CD109: variants seen among roughly 807,000 people sequenced by gnomAD.
The protein encoded by CD109 is CD109 molecule, also known as CD109 antigen.
In CD109, 149 loss-of-function variants were observed where a neutral mutation model predicts 165.8. The observed-to-expected ratio is 0.90, with a 90% CI of 0.79 to 1.03. The LOEUF (loss-of-function observed/expected upper bound fraction) is 1.03. CD109 is among the 50% of genes least tolerant of loss of function. CD109 has a pLI of 0.00. For synonymous variants in CD109, 585 were observed against 592.1 expected (o/e 0.99, Z 0.18); for missense variants, 1,712 against 1,677.8 (o/e 1.02, Z -0.36).
Position 73,787,374 on chromosome 6 carries a change from T to G in CD109, c.2478T>G (p.His826Gln). Reference protein sequence around the residue: ...ATVLFPIRPTHLGEIPITVTA... With the variant: ...ATVLFPIRPTQLGEIPITVTA... Reference sequence around the variant, plus strand: ...TTCTTTTTCCCATCAGGCCAACACATCTGGGAGAAATTCCTATCACAGTCA... The same window carrying G: ...TTCTTTTTCCCATCAGGCCAACACAGCTGGGAGAAATTCCTATCACAGTCA... The change falls in exon 21 of 33, where the codon CAT becomes CAG. Residue 826 changes from histidine (H) to glutamine (Q), a missense_variant. His to Gln is a conservative substitution (Grantham distance 24). Coordinates refer to ENST00000287097, the MANE Select transcript of CD109 (RefSeq NM_133493.5). 1 of 1,614,132 alleles carries G rather than the reference T, an allele frequency of 6.2e-7. No homozygotes were observed. Among genetic ancestry groups the G allele is most frequent in the Non-Finnish European group, 8.5e-7 (1 of 1,179,990 alleles).
intron 29 of CD109, among the ~76,000 whole-genome samples, chr6:73,814,282 G>A (rs968692791): frequency 6.6e-5 from 10 of 152,076 alleles, no homozygotes; most frequent in Non-Finnish European, 1.2e-4. Flanking sequence ...AAGGGGATGA[G>A]GTAAAACATT....
At chr6:73,687,857 G>A in the CD109 span, among the ~76,000 whole-genome samples, 1 of 152,194 alleles carries the variant, frequency 6.6e-6, no homozygotes, top group Admixed American at 6.5e-5. Flanking sequence ...CTGTTCCAAG[G>A]AAAAGGAGAA....
chr6:73,741,126 T>C (rs537995256), intron 5 of CD109, among the ~76,000 whole-genome samples: 21 of 150,494 alleles, frequency 1.4e-4, no homozygotes, highest in African/African-American at 4.6e-4. Context: ...AATGCTAGTT[T>C]AATCAAATTG....
intron 25 of CD109, 144 bp from the exon 26 acceptor site, chr6:73,807,939 T>A: frequency 1.6e-6 from 1 of 625,846 alleles, no homozygotes. Context: ...ATGATCATGG[T>A]TGATTTTCAT....
chr6:73,777,279 AT>A (rs111344958), intron 15 of CD109, among the ~76,000 whole-genome samples: 58,574 of 150,310 alleles, frequency 0.39, 11,596 homozygotes, highest in African/African-American at 0.47. Flanking sequence ...GCTTAAAAAA[AT>A]TTTTTTTTTC....
the CD109 span, among the ~76,000 whole-genome samples, chr6:73,690,548 T>C: frequency 1.6e-4 from 24 of 152,206 alleles, no homozygotes; most frequent in African/African-American, 5.1e-4. Flanking sequence ...ATTACAGGCA[T>C]GTGCCACCAC....
rs1385118974 is a variant in CD109 at position 73,741,380 on chromosome 6, G to C, written c.633+4872G>C. Among the ~76,000 whole-genome samples the C allele has an allele frequency of 2.6e-5, 4 of 152,110 alleles. No homozygotes were observed. In the East Asian group the frequency reaches 7.7e-4, roughly 29 times the overall value. On this transcript the variant is annotated intron_variant, in intron 5 of 32. Transcript: ENST00000287097. Reference sequence around the variant, plus strand: ...ATCATTTCTTTGTCTAGAGCACCAAGCCCTCCTCTCAGAGGGCAGAGGTAT... The same window carrying C: ...ATCATTTCTTTGTCTAGAGCACCAACCCCTCCTCTCAGAGGGCAGAGGTAT...
At position 73,762,896 on chromosome 6, in the gene CD109, A is replaced by G. The variant is rs1773688966; in HGVS notation, c.997+14A>G. On this transcript the variant is annotated intron_variant, in intron 9 of 32. Transcript: ENST00000287097. ...AATCAGTTACAGGTTTGTAGACTTT[A>G]AAGTGGAGGTAAAACTATTCATGTG... 3 of 1,593,832 alleles carry G rather than the reference A, an allele frequency of 1.9e-6. No individual in the cohort carries two copies. The highest frequency in any genetic ancestry group is 2.6e-6 in the Non-Finnish European group (3 of 1,174,380).
chr6:73,704,441 A>C (rs543050156), intron 2 of CD109, among the ~76,000 whole-genome samples: 1 of 152,308 alleles, frequency 6.6e-6, no homozygotes, highest in Admixed American at 6.5e-5. Context: ...TTTCAGCCGC[A>C]GAGAAACATG....
chr6:73,802,305 ATTTTTTT>A (rs71542232), intron 23 of CD109, among the ~76,000 whole-genome samples: 1 of 47,630 alleles, frequency 2.1e-5, no homozygotes, highest in East Asian at 4.7e-4. Context: ...ATATATATAT[ATTTTTTT>A]TTTTTTTTTT....
chr6:73,809,919 T>G, intron 26 of CD109, 65 bp from the exon 27 acceptor site: 1 of 1,306,520 alleles, frequency 7.7e-7, no homozygotes, highest in Non-Finnish European at 1.1e-6. Flanking sequence ...AGTAGGAATA[T>G]TTAATGGTAT....
chr6:73,730,460 C>G lies in CD109; in HGVS notation c.393C>G (p.Val131=). Residue 131 remains valine, a synonymous_variant, in exon 4 of 33, where the codon GTC becomes GTG. Transcript: ENST00000287097. ...CATTTGAGACCAAGAGAATATCTGT[C>G]TTCATTCAAACAGACAAGGCCTTAT... ...RLSFETKRIS[V]FIQTDKALYK... 6.2e-7 allele frequency: 1 copy of G among 1,613,064 alleles called. No homozygotes were observed. The highest frequency in any genetic ancestry group is 8.5e-7 in the Non-Finnish European group (1 of 1,179,052).
intron 3 of CD109, among the ~76,000 whole-genome samples, chr6:73,725,445 A>G (rs977196739): frequency 1.3e-5 from 2 of 150,930 alleles, no homozygotes; most frequent in Admixed American, 1.3e-4. Flanking sequence ...TTTCAATGAT[A>G]CTAGTATAAA....
At chr6:73,718,683 C>A (rs1022652180) in intron 2 of CD109, among the ~76,000 whole-genome samples, 1 of 151,546 alleles carries the variant, frequency 6.6e-6, no homozygotes, top group Non-Finnish European at 1.5e-5. Flanking sequence ...TCTGTGTGAC[C>A]CTGGGAAAGT....
At chr6:73,807,165 T>G in intron 25 of CD109, 93 bp downstream of exon 25, 1 of 906,024 alleles carries the variant, frequency 1.1e-6, no homozygotes, top group South Asian at 1.5e-5. Flanking sequence ...CTTAACAAGT[T>G]GCAGCTTTAC....
At chr6:73,799,354 T>TC (rs1412552759) in intron 23 of CD109, among the ~76,000 whole-genome samples, 1 of 152,208 alleles carries the variant, frequency 6.6e-6, no homozygotes, top group Non-Finnish European at 1.5e-5. Context: ...TGTCTCTTCT[T>TC]CCCCTTTTCT....
intron 23 of CD109, among the ~76,000 whole-genome samples, chr6:73,799,502 G>A (rs559980526): frequency 3.8e-4 from 58 of 152,258 alleles, no homozygotes; most frequent in African/African-American, 1.3e-3. Flanking sequence ...GCATAGCGCC[G>A]GCATTTCCCC....
intron 9 of CD109, 133 bp from the exon 10 acceptor site, chr6:73,763,443 A>G: frequency 1.9e-6 from 1 of 536,904 alleles, no homozygotes; most frequent in East Asian, 2.9e-5. Context: ...GTCAAAGTCA[A>G]TATGGGAATG....
In CD109 at chr6:73,810,875, G is replaced by A. The variant is rs1191226419; in HGVS notation, c.3547-117G>A. The A allele has an allele frequency of 7.2e-6, 7 of 969,034 alleles. No homozygotes were observed. The African/African-American group carries it at 1.2e-4, about 16-fold the overall frequency. 60.0% of individuals were successfully genotyped at this position (969,034 alleles called of 1,614,324 possible). ...CAAGGACATTCAAATATGAATCAGG[G>A]AGCATTCCACTCTGAAGGAAGGTGT... On this transcript the variant is annotated intron_variant, in intron 27 of 32. Coordinates refer to ENST00000287097, the MANE Select transcript of CD109 (RefSeq NM_133493.5).
Sources: allele counts gnomAD v4.1 joint callset (sites outside exome capture counted in the v4.1 genomes callset), GRCh38; gene constraint gnomAD v4.1.1; transcripts MANE v1.5; gene names NCBI Gene and HGNC (gene_info 2026-07-23, HGNC 2026-07-21).